ANKRD30B: variants seen among roughly 807,000 people sequenced by gnomAD.
ANKRD30B encodes ankyrin repeat domain 30B.
ANKRD30B carries 144 observed loss-of-function variants against 202.2 expected under a neutral mutation model. That is an observed-to-expected ratio of 0.71 (90% CI 0.62 to 0.82). The LOEUF (loss-of-function observed/expected upper bound fraction) is 0.82. Ranked by LOEUF, ANKRD30B falls within the 40% of genes least tolerant of loss-of-function variation. The pLI is 0.00. For synonymous variants in ANKRD30B, 508 were observed against 561.3 expected (o/e 0.91, Z 1.34); for missense variants, 1,487 against 1,669.1 (o/e 0.89, Z 1.90).
At chr18:14,855,893 G>A (rs1170433664), downstream of ANKRD30B, among the ~76,000 whole-genome samples, 2 of 151,634 alleles carry the variant, frequency 1.3e-5, no homozygotes, top group South Asian at 4.2e-4. Flanking sequence ...TTCCCAGACG[G>A]GGCGGCTGGG....
the ANKRD30B span, among the ~76,000 whole-genome samples, chr18:14,902,572 G>T: frequency 2.0e-5 from 3 of 152,102 alleles, no homozygotes; most frequent in African/African-American, 7.2e-5. Context: ...ACTTTATTTT[G>T]CAAATAAATT....
At chr18:14,787,152 CAT>C (rs1317373148) in intron 15 of ANKRD30B, 52 bp downstream of exon 15, 3 of 1,497,122 alleles carry the variant, frequency 2.0e-6, no homozygotes, top group African/African-American at 2.8e-5. Flanking sequence ...GAGATGAAAA[CAT>C]AAAATCAGAT....
At chr18:14,810,302 A>G (rs1672676337) in intron 28 of ANKRD30B, 122 bp downstream of exon 28, 3 of 625,816 alleles carry the variant, frequency 4.8e-6, no homozygotes, top group South Asian at 4.6e-5. Flanking sequence ...TTTGATACAA[A>G]TAATGCAAAT....
intron 1 of ANKRD30B, among the ~76,000 whole-genome samples, chr18:14,751,106 G>T (rs1913369954): frequency 6.6e-6 from 1 of 151,760 alleles, no homozygotes; most frequent in South Asian, 2.1e-4. Flanking sequence ...CTTCAGAAGA[G>T]AATATTTTTA....
intron 32 of ANKRD30B, among the ~76,000 whole-genome samples, chr18:14,826,228 C>G (rs1163686777): frequency 6.6e-6 from 1 of 152,170 alleles, no homozygotes; most frequent in African/African-American, 2.4e-5. Flanking sequence ...CAACATTTCA[C>G]AGAGTCACAG....
At position 14,854,236 on chromosome 18, in the gene ANKRD30B, TTTAAAG is replaced by T. The variant is rs1466392873; in HGVS notation, c.*84_*89del. Among the ~76,000 whole-genome samples the T allele has an allele frequency of 2.0e-5, 3 of 152,174 alleles. No homozygotes were observed. The highest frequency in any genetic ancestry group is 2.9e-5 in the Non-Finnish European group (2 of 68,030). ...TGTGAACATTTGCTTCTTTTTCCAT[TTTAAAG>T]TTAAACAAGAAGAAAAGGTAAAATG... On this transcript the variant is annotated 3_prime_UTR_variant, in exon 44 of 44. Coordinates refer to ENST00000690538, the MANE Select transcript of ANKRD30B (RefSeq NM_001367607.2).
the ANKRD30B span, among the ~76,000 whole-genome samples, chr18:14,872,695 T>C: frequency 6.6e-6 from 1 of 152,120 alleles, no homozygotes; most frequent in Non-Finnish European, 1.5e-5. Context: ...TGACCTATTT[T>C]TCTTAATGCT....
the ANKRD30B span, among the ~76,000 whole-genome samples, chr18:14,896,664 A>T: frequency 6.9e-6 from 1 of 145,958 alleles, no homozygotes; most frequent in Non-Finnish European, 1.5e-5. Context: ...CCAATGGATA[A>T]CTTCTTTTTG....
intron 12 of ANKRD30B, among the ~76,000 whole-genome samples, chr18:14,783,215 A>G (rs1428817612): frequency 2.0e-5 from 3 of 152,196 alleles, no homozygotes; most frequent in African/African-American, 4.8e-5. Flanking sequence ...ATATACAGTC[A>G]GTATAGACCA....
At chr18:14,764,679 C>T (rs10468700) in intron 7 of ANKRD30B, among the ~76,000 whole-genome samples, 89,862 of 151,992 alleles carry the variant, frequency 0.59, 27,058 homozygotes, top group African/African-American at 0.69. Flanking sequence ...TGAGCTACTG[C>T]GCCCAGTCAG....
At chr18:14,784,259 G>A in intron 12 of ANKRD30B, 77 bp from the exon 13 acceptor site, 1 of 1,420,632 alleles carries the variant, frequency 7.0e-7, no homozygotes, top group Non-Finnish European at 9.9e-7. Context: ...GACTCAGTTA[G>A]ATACTATCAC....
At chr18:14,933,147 G>A in the ANKRD30B span, among the ~76,000 whole-genome samples, 1 of 152,182 alleles carries the variant, frequency 6.6e-6, no homozygotes, top group Non-Finnish European at 1.5e-5. Context: ...AATCCTAAAT[G>A]TGCTGGAGAA....
the ANKRD30B span, among the ~76,000 whole-genome samples, chr18:14,919,507 T>C: frequency 6.6e-6 from 1 of 152,134 alleles, no homozygotes; most frequent in Admixed American, 6.5e-5. Context: ...GGAGCTCCCA[T>C]GAGGGACAAG....
At chr18:14,772,371 G>T in intron 9 of ANKRD30B, 143 bp downstream of exon 9, 1 of 417,252 alleles carries the variant, frequency 2.4e-6, no homozygotes, top group Non-Finnish European at 4.0e-6. Flanking sequence ...AATAGGAGTA[G>T]TTGATTTAAA....
intron 32 of ANKRD30B, among the ~76,000 whole-genome samples, chr18:14,827,280 T>C (rs1005368743): frequency 2.6e-5 from 4 of 152,228 alleles, no homozygotes; most frequent in Non-Finnish European, 5.9e-5. Context: ...TAATATTTCA[T>C]TGTACTCCTT....
chr18:14,855,840 C>T (rs1972084124), downstream of ANKRD30B, among the ~76,000 whole-genome samples: 1 of 150,506 alleles, frequency 6.6e-6, no homozygotes, highest in South Asian at 2.1e-4. Flanking sequence ...CAGAGGCACT[C>T]CTCACCTCCC....
intron 7 of ANKRD30B, among the ~76,000 whole-genome samples, chr18:14,766,242 G>A (rs945390378): frequency 6.6e-6 from 1 of 151,798 alleles, no homozygotes; most frequent in Non-Finnish European, 1.5e-5. Context: ...GGAGGCCAAG[G>A]TGGGCAGATC....
At chr18:14,748,905 C>G (rs1014260010) in intron 1 of ANKRD30B, among the ~76,000 whole-genome samples, 4 of 152,222 alleles carry the variant, frequency 2.6e-5, no homozygotes, top group Non-Finnish European at 5.9e-5. Flanking sequence ...TCCTTCACTC[C>G]CACTTCCCCT....
chr18:14,769,689 A>T (rs1340490442), intron 8 of ANKRD30B, among the ~76,000 whole-genome samples: 1 of 152,200 alleles, frequency 6.6e-6, no homozygotes, highest in Non-Finnish European at 1.5e-5. Context: ...GCATAGATTG[A>T]TGGAGACCTC....
Sources: allele counts gnomAD v4.1 joint callset (sites outside exome capture counted in the v4.1 genomes callset), GRCh38; gene constraint gnomAD v4.1.1; transcripts MANE v1.5; gene names NCBI Gene and HGNC (gene_info 2026-07-23, HGNC 2026-07-21).